Variants in SLC14A2 observed in about 807,000 individuals in gnomAD.
SLC14A2 encodes solute carrier family 14 member 2.
In SLC14A2, 91 loss-of-function variants were observed where a neutral mutation model predicts 104.6. The observed-to-expected ratio is 0.87, with a 90% confidence interval of 0.73 to 1.04. The LOEUF is 1.04. Ranked by LOEUF, SLC14A2 falls within the 50% of genes least tolerant of loss-of-function variation. SLC14A2 has a pLI of 0.00. For missense variants in SLC14A2, 1,189 were observed against 1,156.0 expected (o/e 1.03, Z -0.41); for synonymous variants, 476 against 466.4 (o/e 1.02, Z -0.27).
At chr18:45,566,055 A>T (rs1228567422) in intron 2 of SLC14A2, among the ~76,000 whole-genome samples, 1 of 152,242 alleles carries the variant, frequency 6.6e-6, no homozygotes, top group Admixed American at 6.5e-5. Context: ...TCTGTTGTGG[A>T]AGTAAAAACT....
intron 18 of SLC14A2, among the ~76,000 whole-genome samples, chr18:45,678,383 G>A (rs1259981768): frequency 6.6e-6 from 1 of 152,146 alleles, no homozygotes; most frequent in Non-Finnish European, 1.5e-5. Context: ...AAGGACAATT[G>A]GGATGCTCTC....
chr18:45,640,003 C>A, intron 7 of SLC14A2, 110 bp downstream of exon 7: 1 of 1,073,598 alleles, frequency 9.3e-7, no homozygotes, highest in Non-Finnish European at 1.3e-6. Context: ...GTTTTAAATA[C>A]TTTCAGGGAG....
chr18:45,238,328 G>C (rs962449661), intron 1 of SLC14A2, among the ~76,000 whole-genome samples: 1 of 152,222 alleles, frequency 6.6e-6, no homozygotes, highest in African/African-American at 2.4e-5. Flanking sequence ...CAAAATGAAA[G>C]GGCAGACTCT....
upstream of SLC14A2, among the ~76,000 whole-genome samples, chr18:45,612,158 G>T (rs893313609): frequency 2.4e-4 from 37 of 152,196 alleles, no homozygotes; most frequent in African/African-American, 8.2e-4. Flanking sequence ...TCAAGCAGTT[G>T]CTGCTGCTCC....
chr18:45,668,979 CA>C (rs35315987), intron 15 of SLC14A2, among the ~76,000 whole-genome samples: 58,182 of 152,084 alleles, frequency 0.38, 11,766 homozygotes, highest in African/African-American at 0.48. Context: ...CACAGCCACT[CA>C]AAAAAACATT....
chr18:45,636,448 G>C (rs2045417654), intron 5 of SLC14A2, among the ~76,000 whole-genome samples: 1 of 152,194 alleles, frequency 6.6e-6, no homozygotes, highest in Non-Finnish European at 1.5e-5. Flanking sequence ...AGAAGACAGA[G>C]GGTACAAACA....
intron 1 of SLC14A2, among the ~76,000 whole-genome samples, chr18:45,364,465 A>G (rs1176673254): frequency 6.6e-6 from 1 of 152,220 alleles, no homozygotes; most frequent in Non-Finnish European, 1.5e-5. Flanking sequence ...TGTAGTATGT[A>G]CTATGTTGAA....
intron 1 of SLC14A2, among the ~76,000 whole-genome samples, chr18:45,305,242 C>A (rs544726544): frequency 6.6e-6 from 1 of 152,312 alleles, no homozygotes; most frequent in Non-Finnish European, 1.5e-5. Flanking sequence ...GTTAAGGAAG[C>A]AGTCTGAGGT....
At chr18:45,243,439 C>T (rs1247157364) in intron 1 of SLC14A2, among the ~76,000 whole-genome samples, 2 of 152,158 alleles carry the variant, frequency 1.3e-5, no homozygotes, top group African/African-American at 4.8e-5. Flanking sequence ...CCTCTATGAC[C>T]TCAGAACCAG....
intron 19 of SLC14A2, among the ~76,000 whole-genome samples, chr18:45,681,545 C>T (rs1211595352): frequency 2.0e-5 from 3 of 152,178 alleles, no homozygotes; most frequent in African/African-American, 7.2e-5. Flanking sequence ...AACAGGTCAA[C>T]ATCAAGAGAA....
At chr18:45,603,027 G>A (rs2044814929) in intron 2 of SLC14A2, among the ~76,000 whole-genome samples, 1 of 152,176 alleles carries the variant, frequency 6.6e-6, no homozygotes, top group African/African-American at 2.4e-5. Context: ...AGTACATTTT[G>A]TCAAACAATT....
intron 1 of SLC14A2, among the ~76,000 whole-genome samples, chr18:45,225,434 C>G (rs1400687998): frequency 6.6e-6 from 1 of 152,148 alleles, no homozygotes; most frequent in Admixed American, 6.5e-5. Flanking sequence ...ATGATGCCTC[C>G]AGCTTTGTTC....
chr18:45,207,891 A>G, the SLC14A2 span, among the ~76,000 whole-genome samples: 1 of 152,224 alleles, frequency 6.6e-6, no homozygotes, highest in African/African-American at 2.4e-5. Flanking sequence ...TACAGCAATT[A>G]CCAAAGTTAA....
At chr18:45,535,762 C>G (rs778159440) in intron 2 of SLC14A2, among the ~76,000 whole-genome samples, 5 of 152,172 alleles carry the variant, frequency 3.3e-5, no homozygotes, top group Non-Finnish European at 7.3e-5. Context: ...GCCTCAGTTT[C>G]CTCATTTGTA....
At chr18:45,441,959 G>T (rs775165388) in intron 1 of SLC14A2, among the ~76,000 whole-genome samples, 1 of 152,190 alleles carries the variant, frequency 6.6e-6, no homozygotes, top group Non-Finnish European at 1.5e-5. Context: ...AACAGACCCC[G>T]GAGTGCTATT....
chr18:45,274,651 G>T (rs2084684094), intron 1 of SLC14A2, among the ~76,000 whole-genome samples: 1 of 152,200 alleles, frequency 6.6e-6, no homozygotes. Flanking sequence ...CAGATGTCTG[G>T]GTTGGGACTA....
chr18:45,606,884 G>A (rs1329715585), intron 2 of SLC14A2, among the ~76,000 whole-genome samples: 1 of 152,078 alleles, frequency 6.6e-6, no homozygotes, highest in African/African-American at 2.4e-5. Context: ...TCCGCCACAG[G>A]AATTTTCCAC....
chr18:45,174,778 G>A, the SLC14A2 span, among the ~76,000 whole-genome samples: 3 of 152,120 alleles, frequency 2.0e-5, no homozygotes, highest in African/African-American at 7.2e-5. Context: ...TAAAATATGT[G>A]AGAAAAGGAA....
upstream of SLC14A2, among the ~76,000 whole-genome samples, chr18:45,610,590 T>A (rs113396685): frequency 9.6e-3 from 1,467 of 152,254 alleles, 29 homozygotes; most frequent in African/African-American, 0.034. Flanking sequence ...GAAGGCATTC[T>A]AGAAACAAGG....
Sources: gnomAD v4.1 joint callset for allele counts (sites outside exome capture counted in the v4.1 genomes callset) on GRCh38, gnomAD v4.1.1 for gene constraint, MANE v1.5 for transcripts, NCBI Gene and HGNC (gene_info 2026-07-23, HGNC 2026-07-21) for gene names.